Variants in LARS2 observed in about 807,000 individuals in gnomAD.
LARS2 encodes leucine--tRNA ligase, mitochondrial.
A neutral mutation model predicts 116.6 loss-of-function variants in LARS2; 81 were observed. The observed-to-expected ratio is 0.69, with a 90% confidence interval of 0.58 to 0.84. The LOEUF is 0.84. LARS2 is among the 40% of genes least tolerant of loss of function. The pLI is 0.00. For synonymous variants in LARS2, 396 were observed against 407.2 expected (o/e 0.97, Z 0.33); for missense variants, 968 against 1,114.5 (o/e 0.87, Z 1.87).
chr3:45,496,069 C>T (rs1700006031), intron 13 of LARS2, among the ~76,000 whole-genome samples: 1 of 152,176 alleles, frequency 6.6e-6, no homozygotes, highest in African/African-American at 2.4e-5. Flanking sequence ...CCATGTTGGC[C>T]AGTATGGTCT....
At chr3:45,534,665 T>C (rs1700673131) in intron 20 of LARS2, among the ~76,000 whole-genome samples, 1 of 152,150 alleles carries the variant, frequency 6.6e-6, no homozygotes, top group Admixed American at 6.5e-5. Context: ...GAGATCTATA[T>C]CTTAAGGGAG....
intron 7 of LARS2, among the ~76,000 whole-genome samples, chr3:45,458,525 A>C (rs1699252904): frequency 6.6e-6 from 1 of 152,076 alleles, no homozygotes; most frequent in Non-Finnish European, 1.5e-5. Flanking sequence ...ACCCCATCTC[A>C]ACTAAAAATA....
intron 6 of LARS2, among the ~76,000 whole-genome samples, chr3:45,436,241 G>A (rs1285113821): frequency 6.6e-6 from 1 of 151,880 alleles, no homozygotes; most frequent in Non-Finnish European, 1.5e-5. Context: ...ATATTATTCA[G>A]GAAACCTAGA....
chr3:45,546,544 T>A (rs1335866306), intron 21 of LARS2, among the ~76,000 whole-genome samples: 1 of 152,242 alleles, frequency 6.6e-6, no homozygotes, highest in Non-Finnish European at 1.5e-5. Flanking sequence ...TGTGCTTTGG[T>A]TGAAACTTGA....
chr3:45,440,443 G>C (rs1401734069), intron 6 of LARS2, among the ~76,000 whole-genome samples: 2 of 152,100 alleles, frequency 1.3e-5, no homozygotes, highest in African/African-American at 4.8e-5. Flanking sequence ...GAAGGCAGGA[G>C]GCTCACAATG....
intron 9 of LARS2, among the ~76,000 whole-genome samples, chr3:45,474,995 A>C (rs2125718873): frequency 6.6e-6 from 1 of 152,330 alleles, no homozygotes; most frequent in East Asian, 1.9e-4. Flanking sequence ...CCTATTCTAG[A>C]AGGGGTCCCT....
At chr3:45,400,417 C>T in intron 4 of LARS2, 44 bp downstream of exon 4, 1 of 1,557,494 alleles carries the variant, frequency 6.4e-7, no homozygotes, top group Non-Finnish European at 8.7e-7. Flanking sequence ...CTGCCACACG[C>T]AGGGTTGGCA....
intron 15 of LARS2, among the ~76,000 whole-genome samples, chr3:45,507,471 T>C (rs1700216873): frequency 6.6e-6 from 1 of 152,064 alleles, no homozygotes; most frequent in Admixed American, 6.6e-5. Context: ...TAATCAGAAA[T>C]GCAAACTTAT....
chr3:45,540,188 G>T (rs1036693757), intron 20 of LARS2, among the ~76,000 whole-genome samples: 3 of 152,114 alleles, frequency 2.0e-5, no homozygotes, highest in Non-Finnish European at 4.4e-5. Context: ...GAACCTGGGA[G>T]GCAGAGGTTG....
chr3:45,412,080 C>G (rs1008892302), intron 4 of LARS2, among the ~76,000 whole-genome samples: 7 of 152,062 alleles, frequency 4.6e-5, no homozygotes, highest in Non-Finnish European at 8.8e-5. Context: ...TTTTCTTTAT[C>G]CAGTCTACCA....
At chr3:45,486,973 T>A (rs1001349526) in intron 11 of LARS2, among the ~76,000 whole-genome samples, 1 of 152,170 alleles carries the variant, frequency 6.6e-6, no homozygotes, top group African/African-American at 2.4e-5. Context: ...CCATAGTTTC[T>A]TAATTAACTT....
intron 7 of LARS2, among the ~76,000 whole-genome samples, chr3:45,450,350 CTG>C (rs1016359056): frequency 6.6e-6 from 1 of 152,154 alleles, no homozygotes; most frequent in African/African-American, 2.4e-5. Context: ...TTTTATGTAA[CTG>C]TGTTTTTGTA....
At chr3:45,536,748 A>G (rs942840399) in intron 20 of LARS2, among the ~76,000 whole-genome samples, 4 of 152,216 alleles carry the variant, frequency 2.6e-5, no homozygotes, top group East Asian at 1.9e-4. Context: ...AAAGCATTCA[A>G]CGTTACAAGA....
At chr3:45,404,215 G>T (rs1000170747) in intron 4 of LARS2, among the ~76,000 whole-genome samples, 1 of 152,166 alleles carries the variant, frequency 6.6e-6, no homozygotes, top group African/African-American at 2.4e-5. Context: ...CACAGTTTCA[G>T]TTGCTGTGTT....
At position 45,417,562 on chromosome 3, in the gene LARS2, T is replaced by C. The variant is rs899202461; in HGVS notation, c.444T>C (p.Ser148=). The C allele has an allele frequency of 1.2e-6, 2 of 1,613,386 alleles. No homozygotes were observed. The highest frequency in any genetic ancestry group is 2.2e-5 in the South Asian group (2 of 91,070). ...TCGAGAGGAATCTACATCCACAAAGTTGGACACAAAGGTAAGTGTTTACAG... is the reference window on the plus strand; with the variant it reads ...TCGAGAGGAATCTACATCCACAAAGCTGGACACAAAGGTAAGTGTTTACAG... ...AAVERNLHPQ[S]WTQSNIKHMR... Residue 148 remains serine (S), a synonymous_variant, in exon 5 of 22, where the codon AGT becomes AGC. Transcript: ENST00000645846.
Position 45,500,674 on chromosome 3 carries a change from G to A in LARS2, c.1760+95G>A, listed in dbSNP as rs138764504. 7.7e-4 allele frequency: 695 copies of A among 901,538 alleles called. 10 individuals carry two copies. In the East Asian group the frequency reaches 0.018, roughly 24 times the overall value. 55.8% of individuals were successfully genotyped at this position (901,538 alleles called of 1,614,324 possible). On this transcript the variant is annotated intron_variant, in intron 15 of 21. Transcript: ENST00000645846. The stretch of plus-strand genomic sequence containing the variant: ...TTCTGAAGCAAGGTAAATGCATGTA[G>A]TAGAATACTAGTTTTCTAGTATGCT...
intron 5 of LARS2, 29 bp from the exon 6 acceptor site, chr3:45,419,640 A>C (rs1698484220): frequency 6.3e-7 from 1 of 1,596,080 alleles, no homozygotes; most frequent in African/African-American, 1.3e-5. Context: ...CCTCTCTAAA[A>C]ACCAAACCTT....
At chr3:45,464,819 G>A (rs1397468174) in intron 8 of LARS2, among the ~76,000 whole-genome samples, 1 of 152,158 alleles carries the variant, frequency 6.6e-6, no homozygotes, top group African/African-American at 2.4e-5. Flanking sequence ...TTCTCTGCAG[G>A]GCTCTGAGGA....
At chr3:45,521,287 A>C (rs1700450840) in intron 19 of LARS2, among the ~76,000 whole-genome samples, 1 of 152,108 alleles carries the variant, frequency 6.6e-6, no homozygotes, top group Non-Finnish European at 1.5e-5. Flanking sequence ...CCTGGGCGAC[A>C]AAGCAAGACT....
Sources: gnomAD v4.1 joint callset for allele counts (sites outside exome capture counted in the v4.1 genomes callset) on GRCh38, gnomAD v4.1.1 for gene constraint, MANE v1.5 for transcripts, NCBI Gene and HGNC (gene_info 2026-07-23, HGNC 2026-07-21) for gene names.